The following LRRIQ3 variants were observed in gnomAD, a reference collection of about 807,000 sequenced individuals.
LRRIQ3 encodes the protein leucine rich repeats and IQ motif containing 3.
In LRRIQ3, 75 loss-of-function variants were observed where a neutral mutation model predicts 59.3. The observed-to-expected ratio is 1.26, with a 90% CI of 1.05 to 1.53. LRRIQ3 has a LOEUF of 1.53. LRRIQ3 is among the 40% of genes most tolerant of loss of function. The pLI is 0.00. For missense variants in LRRIQ3, 831 were observed against 710.0 expected (o/e 1.17, Z -1.94); for synonymous variants, 250 against 231.3 (o/e 1.08, Z -0.73).
chr1:74,196,049 AAGAAAAC>A (rs1422195062), intron 1 of LRRIQ3, among the ~76,000 whole-genome samples: 22 of 152,168 alleles, frequency 1.4e-4, no homozygotes, highest in Admixed American at 5.9e-4. Context: ...TGAGAAAAGA[AAGAAAAC>A]AGAAGCCATA....
intron 1 of LRRIQ3, among the ~76,000 whole-genome samples, chr1:74,193,594 T>G (rs1007466934): frequency 2.6e-5 from 4 of 152,134 alleles, no homozygotes; most frequent in Non-Finnish European, 5.9e-5. Flanking sequence ...ATGTGATACA[T>G]AATAAATATT....
At chr1:74,079,193 T>C (rs1444132931) in intron 5 of LRRIQ3, among the ~76,000 whole-genome samples, 3 of 151,776 alleles carry the variant, frequency 2.0e-5, no homozygotes, top group Non-Finnish European at 3.0e-5. Context: ...CTGTTCAAGA[T>C]GCTAAGTCCT....
chr1:74,165,482 T>G (rs1206965998), intron 3 of LRRIQ3, among the ~76,000 whole-genome samples: 1 of 151,600 alleles, frequency 6.6e-6, no homozygotes, highest in African/African-American at 2.4e-5. Flanking sequence ...TCTAATATAT[T>G]CTTTGTAGAT....
intron 7 of LRRIQ3, among the ~76,000 whole-genome samples, chr1:74,030,789 C>A (rs1014530799): frequency 1.5e-4 from 23 of 152,282 alleles, no homozygotes; most frequent in South Asian, 1.2e-3. Context: ...AGAGCTTCTG[C>A]ACAGCAAAAG....
chr1:74,074,011 C>A (rs1646168137), intron 6 of LRRIQ3, among the ~76,000 whole-genome samples: 1 of 151,962 alleles, frequency 6.6e-6, no homozygotes, highest in Admixed American at 6.6e-5. Flanking sequence ...TGACCAAAGT[C>A]TGAAAGAAAT....
intron 4 of LRRIQ3, among the ~76,000 whole-genome samples, chr1:74,129,411 A>T (rs545723689): frequency 3.3e-4 from 50 of 152,124 alleles, no homozygotes; most frequent in African/African-American, 1.1e-3. Flanking sequence ...TCTGATGTTT[A>T]TTCAAGGACC....
chr1:74,125,755 G>T (rs1646926445), intron 4 of LRRIQ3, among the ~76,000 whole-genome samples: 1 of 151,682 alleles, frequency 6.6e-6, no homozygotes, highest in South Asian at 2.1e-4. Context: ...TTGGTTTGCT[G>T]TTATTTTGTT....
intron 6 of LRRIQ3, among the ~76,000 whole-genome samples, chr1:74,062,345 C>T (rs1415289471): frequency 2.0e-5 from 3 of 151,968 alleles, no homozygotes; most frequent in Admixed American, 1.3e-4. Flanking sequence ...AAATAAAAAC[C>T]ACAGTGAGAT....
intron 7 of LRRIQ3, among the ~76,000 whole-genome samples, chr1:74,038,482 G>A (rs1425567525): frequency 6.6e-6 from 1 of 152,152 alleles, no homozygotes; most frequent in Non-Finnish European, 1.5e-5. Context: ...CGCTAAACAG[G>A]TCCTGCTCCC....
chr1:74,051,619 A>C (rs535008062), intron 6 of LRRIQ3, among the ~76,000 whole-genome samples: 1 of 151,940 alleles, frequency 6.6e-6, no homozygotes, highest in Non-Finnish European at 1.5e-5. Context: ...CCAAACAGAA[A>C]CCCCATACGC....
chr1:74,090,483 T>C (rs2100515436), intron 5 of LRRIQ3, among the ~76,000 whole-genome samples: 1 of 152,172 alleles, frequency 6.6e-6, no homozygotes, highest in South Asian at 2.1e-4. Flanking sequence ...AAGAAGACTG[T>C]ACCAGAAATA....
intron 3 of LRRIQ3, among the ~76,000 whole-genome samples, chr1:74,172,999 G>A (rs1042880714): frequency 1.3e-5 from 2 of 151,940 alleles, no homozygotes; most frequent in African/African-American, 4.8e-5. Flanking sequence ...GTTGGGTCTC[G>A]GTTTTTTAAA....
intron 4 of LRRIQ3, among the ~76,000 whole-genome samples, chr1:74,112,482 C>T (rs762246762): frequency 8.5e-5 from 13 of 152,100 alleles, no homozygotes; most frequent in African/African-American, 2.4e-5. Context: ...CAAAAACTGG[C>T]CTCAAAGATT....
intron 6 of LRRIQ3, among the ~76,000 whole-genome samples, chr1:74,050,010 G>C (rs112378736): frequency 1.0e-4 from 15 of 146,950 alleles, no homozygotes; most frequent in Admixed American, 3.5e-4. Flanking sequence ...TGCAACCTCC[G>C]CCTCCCGGAT....
intron 3 of LRRIQ3, among the ~76,000 whole-genome samples, chr1:74,165,324 G>C (rs1242698107): frequency 6.6e-6 from 1 of 151,408 alleles, no homozygotes; most frequent in Non-Finnish European, 1.5e-5. Flanking sequence ...TGTATTGTTA[G>C]ATTTATATAT....
chr1:74,085,567 C>T (rs183672077), intron 5 of LRRIQ3, among the ~76,000 whole-genome samples: 2 of 151,788 alleles, frequency 1.3e-5, no homozygotes, highest in East Asian at 3.9e-4. Flanking sequence ...ATTTTATTTA[C>T]CATTGCAAGT....
At chr1:74,039,114 C>T (rs1653963593) in intron 7 of LRRIQ3, among the ~76,000 whole-genome samples, 1 of 152,114 alleles carries the variant, frequency 6.6e-6, no homozygotes, top group Non-Finnish European at 1.5e-5. Flanking sequence ...CTAGAATAAC[C>T]AGTTTAGAGA....
At chr1:74,033,612 G>A (rs1490706338) in intron 7 of LRRIQ3, among the ~76,000 whole-genome samples, 10 of 151,976 alleles carry the variant, frequency 6.6e-5, no homozygotes, top group African/African-American at 2.2e-4. Context: ...CGTCCGGTAG[G>A]ATAAAGATTG....
At chr1:74,048,707 G>A (rs992353020) in intron 6 of LRRIQ3, among the ~76,000 whole-genome samples, 1 of 151,902 alleles carries the variant, frequency 6.6e-6, no homozygotes, top group African/African-American at 2.4e-5. Context: ...GTGTTTGAGA[G>A]TTGTTTTCCA....
Sources: allele counts gnomAD v4.1 joint callset (sites outside exome capture counted in the v4.1 genomes callset), GRCh38; gene constraint gnomAD v4.1.1; transcripts MANE v1.5; gene names NCBI Gene and HGNC (gene_info 2026-07-23, HGNC 2026-07-21).